Variants in GRIK2 observed in about 807,000 individuals in gnomAD.
GRIK2 encodes glutamate ionotropic receptor kainate type subunit 2.
In GRIK2, 32 loss-of-function variants were observed where a neutral mutation model predicts 100.3. That is an observed-to-expected ratio of 0.32 (90% confidence interval 0.24 to 0.43). The LOEUF is 0.43. Ranked by LOEUF, GRIK2 falls within the 20% of genes least tolerant of loss-of-function variation. The pLI, the probability that GRIK2 is intolerant of heterozygous loss-of-function variation, is 1.00. For synonymous variants in GRIK2, 417 were observed against 389.4 expected (o/e 1.07, Z -0.83); for missense variants, 843 against 1,114.9 (o/e 0.76, Z 3.47).
chr6:101,595,706 G>GTA (rs1417393124), intron 2 of GRIK2, among the ~76,000 whole-genome samples: 1 of 125,386 alleles, frequency 8.0e-6, no homozygotes, highest in African/African-American at 3.2e-5. Flanking sequence ...ATATGTGTGT[G>GTA]TGTGTGTGTG....
At chr6:102,068,283 T>A in intron 16 of GRIK2, 64 bp from the exon 17 acceptor site, 1 of 1,187,074 alleles carries the variant, frequency 8.4e-7, no homozygotes, top group Non-Finnish European at 1.2e-6. Flanking sequence ...GATTTTAATA[T>A]TGATCTTGGA....
intron 2 of GRIK2, among the ~76,000 whole-genome samples, chr6:101,601,549 A>C (rs1405707705): frequency 6.6e-6 from 1 of 151,892 alleles, no homozygotes; most frequent in East Asian, 1.9e-4. Flanking sequence ...ATTTGGCTGT[A>C]AAGCCATCTG....
At chr6:101,883,767 A>T (rs1251333730) in intron 11 of GRIK2, among the ~76,000 whole-genome samples, 2 of 152,160 alleles carry the variant, frequency 1.3e-5, no homozygotes, top group East Asian at 3.9e-4. Context: ...TAAGGCCTGG[A>T]AAAAGGAATG....
At chr6:101,596,294 T>G (rs949992938) in intron 2 of GRIK2, among the ~76,000 whole-genome samples, 2 of 151,292 alleles carry the variant, frequency 1.3e-5, no homozygotes, top group African/African-American at 4.8e-5. Flanking sequence ...TCAGCTAATT[T>G]TTTCATTATT....
At chr6:101,526,817 C>T (rs1428142504) in intron 2 of GRIK2, among the ~76,000 whole-genome samples, 2 of 152,130 alleles carry the variant, frequency 1.3e-5, no homozygotes, top group East Asian at 1.9e-4. Flanking sequence ...CCATAGAAAG[C>T]GGAATACTCT....
Position 101,710,159 on chromosome 6 carries a change from G to A in GRIK2, c.951+23806G>A, listed in dbSNP as rs190260129. Among the ~76,000 whole-genome samples, 229 of 151,980 alleles carry A rather than the reference G, an allele frequency of 1.5e-3. 2 individuals are homozygous for A. The highest frequency in any genetic ancestry group is 5.3e-3 in the African/African-American group (218 of 41,522). On this transcript the variant is annotated intron_variant, in intron 7 of 16. Transcript: ENST00000369134. The stretch of plus-strand genomic sequence containing the variant: ...TTAAGTACAAGAAGAGCCCTCTGAT[G>A]TTCCTCATTGTGGAGTTCTTTTCAA...
intron 4 of GRIK2, among the ~76,000 whole-genome samples, chr6:101,643,304 A>T (rs999651748): frequency 6.6e-6 from 1 of 151,542 alleles, no homozygotes; most frequent in East Asian, 1.9e-4. Context: ...ATCTAATGTC[A>T]TGAAGATTTT....
chr6:101,530,964 A>G (rs1353626354), intron 2 of GRIK2, among the ~76,000 whole-genome samples: 1 of 152,040 alleles, frequency 6.6e-6, no homozygotes, highest in African/African-American at 2.4e-5. Context: ...CAAAAGAGCT[A>G]CACATTAGTG....
At chr6:101,499,735 A>G (rs566036481) in intron 2 of GRIK2, among the ~76,000 whole-genome samples, 1 of 152,288 alleles carries the variant, frequency 6.6e-6, no homozygotes, top group African/African-American at 2.4e-5. Context: ...TGCCTAATAT[A>G]GTATAACTTA....
At chr6:101,779,707 C>A (rs2128401216) in intron 7 of GRIK2, among the ~76,000 whole-genome samples, 1 of 152,238 alleles carries the variant, frequency 6.6e-6, no homozygotes, top group Non-Finnish European at 1.5e-5. Flanking sequence ...ATTTGAGCTT[C>A]TTTCTGCTGC....
At chr6:101,881,516 T>G (rs1786242923) in intron 11 of GRIK2, among the ~76,000 whole-genome samples, 1 of 151,878 alleles carries the variant, frequency 6.6e-6, no homozygotes, top group South Asian at 2.1e-4. Context: ...ATATGCAAGA[T>G]CTCAGATTAT....
chr6:101,716,721 C>T (rs888813168), intron 7 of GRIK2, among the ~76,000 whole-genome samples: 1 of 151,724 alleles, frequency 6.6e-6, no homozygotes, highest in Non-Finnish European at 1.5e-5. Flanking sequence ...GCATGTTGTG[C>T]ACACGTACCC....
intron 2 of GRIK2, among the ~76,000 whole-genome samples, chr6:101,450,312 TA>T (rs1770604933): frequency 2.0e-5 from 3 of 151,728 alleles, no homozygotes; most frequent in Non-Finnish European, 4.4e-5. Context: ...TAGGTTTTTT[TA>T]AATGAATCCA....
At chr6:101,863,042 T>G (rs528808398) in intron 11 of GRIK2, among the ~76,000 whole-genome samples, 1 of 151,894 alleles carries the variant, frequency 6.6e-6, no homozygotes, top group Admixed American at 6.6e-5. Context: ...GTTTGCTGCA[T>G]TCATAATCTT....
chr6:101,675,906 A>G (rs1046668348), intron 4 of GRIK2, among the ~76,000 whole-genome samples: 4 of 152,212 alleles, frequency 2.6e-5, no homozygotes, highest in Non-Finnish European at 5.9e-5. Flanking sequence ...TCACTGTTAC[A>G]TATACACCAA....
In GRIK2 at chr6:101,910,864, C is replaced by T. The variant is rs183413003; in HGVS notation, c.1749-13737C>T. ...CCACACACACACACACACACACACACATACACAAGCATTGGCTAATAATTT... is the reference window on the plus strand; with the variant it reads ...CCACACACACACACACACACACACATATACACAAGCATTGGCTAATAATTT... On this transcript the variant is annotated intron_variant, in intron 12 of 16. Transcript: ENST00000369134. Among the ~76,000 whole-genome samples, 671 of 150,616 alleles carry T rather than the reference C, an allele frequency of 4.5e-3. 6 individuals carry two copies. Among genetic ancestry groups the T allele is most frequent in the African/African-American group, 0.016 (652 of 41,174 alleles).
chr6:101,400,215 G>A (rs987318552), intron 2 of GRIK2, among the ~76,000 whole-genome samples: 7 of 152,104 alleles, frequency 4.6e-5, no homozygotes, highest in African/African-American at 1.7e-4. Flanking sequence ...AAAGACGTTA[G>A]GTAGTTACAT....
At chr6:101,646,419 A>C (rs1339804822) in intron 4 of GRIK2, among the ~76,000 whole-genome samples, 3 of 151,912 alleles carry the variant, frequency 2.0e-5, no homozygotes. Context: ...GATAAGGTAA[A>C]AAGTAAGCAT....
intron 8 of GRIK2, among the ~76,000 whole-genome samples, chr6:101,801,253 G>A (rs1352015196): frequency 2.0e-5 from 3 of 151,626 alleles, no homozygotes; most frequent in Admixed American, 2.0e-4. Flanking sequence ...TGTCCATTTT[G>A]GTTAGTCACT....
Sources: allele counts gnomAD v4.1 joint callset (sites outside exome capture counted in the v4.1 genomes callset), GRCh38; gene constraint gnomAD v4.1.1; transcripts MANE v1.5; gene names NCBI Gene and HGNC (gene_info 2026-07-23, HGNC 2026-07-21).